Variants in LANCL3 observed in about 807,000 individuals in gnomAD.
LANCL3 encodes LanC like family member 3.
In LANCL3, 19 loss-of-function variants were observed where a neutral mutation model predicts 26.5. The observed-to-expected ratio is 0.72, with a 90% CI of 0.50 to 1.05. The LOEUF (loss-of-function observed/expected upper bound fraction) is 1.05. LANCL3 is among the 50% of genes least tolerant of loss of function. The pLI, the probability that LANCL3 is intolerant of heterozygous loss-of-function variation, is 0.00. For missense variants in LANCL3, 318 were observed against 362.7 expected (o/e 0.88, Z 1.00); for synonymous variants, 160 against 166.6 (o/e 0.96, Z 0.30).
intron 1 of LANCL3, among the ~76,000 whole-genome samples, chrX:37,622,308 G>A (rs2146745749): frequency 9.0e-6 from 1 of 110,567 alleles, no homozygotes; most frequent in Admixed American, 9.6e-5. Context: ...ATCAATAAGG[G>A]TTCCCTGTGT....
At chrX:37,671,615 G>A (rs1926686310) in intron 4 of LANCL3, among the ~76,000 whole-genome samples, 1 of 110,335 alleles carries the variant, frequency 9.1e-6, no homozygotes, top group Non-Finnish European at 1.9e-5. Context: ...CCATTAGGAT[G>A]CCAGGTACAC....
intron 1 of LANCL3, among the ~76,000 whole-genome samples, chrX:37,591,044 T>A (rs1556418868): frequency 8.9e-6 from 1 of 111,873 alleles, no homozygotes; most frequent in Non-Finnish European, 1.9e-5. Flanking sequence ...TTATCACCAC[T>A]GGAAAATAAA....
At chrX:37,592,729 A>T (rs58457491) in intron 1 of LANCL3, among the ~76,000 whole-genome samples, 2,081 of 112,274 alleles carry the variant, frequency 0.019, 67 homozygotes, top group African/African-American at 0.064. Context: ...AAGAGAAAAG[A>T]TTAATTAGAA....
At chrX:37,643,300 T>C (rs1212369639) in intron 1 of LANCL3, among the ~76,000 whole-genome samples, 2 of 112,377 alleles carry the variant, frequency 1.8e-5, no homozygotes, top group Non-Finnish European at 3.8e-5. Context: ...TTTTTTGCCT[T>C]TTCTCTAAGA....
At position 37,673,557 on chromosome X, in the gene LANCL3, GA is replaced by G. The variant is rs1479845929; in HGVS notation, c.1104-2088del. Among the ~76,000 whole-genome samples the G allele has an allele frequency of 1.1e-3, 117 of 109,544 alleles. 1 individual carries two copies. Among genetic ancestry groups the G allele is most frequent in the African/African-American group, 3.5e-3 (106 of 30,229 alleles). Reference sequence around the variant, plus strand: ...TTCTATTTTGACTGAGAACGTTTTAGAAAAAAAAATTTGTTTAATTTTGCAC... The same window carrying G: ...TTCTATTTTGACTGAGAACGTTTTAGAAAAAAAATTTGTTTAATTTTGCAC... On this transcript the variant is annotated intron_variant, in intron 4 of 4. Transcript: ENST00000378619.
intron 1 of LANCL3, among the ~76,000 whole-genome samples, chrX:37,595,574 A>G (rs1340952659): frequency 8.9e-6 from 1 of 112,298 alleles, no homozygotes; most frequent in East Asian, 2.8e-4. Flanking sequence ...CTAGCTTGTG[A>G]CAGATCCAAA....
At chrX:37,600,760 CT>C (rs1348915701) in intron 1 of LANCL3, among the ~76,000 whole-genome samples, 1 of 112,010 alleles carries the variant, frequency 8.9e-6, no homozygotes, top group African/African-American at 3.2e-5. Context: ...TTCTGCATTT[CT>C]TTTAAGCTCC....
At chrX:37,668,888 C>T (rs1926613046) in intron 4 of LANCL3, among the ~76,000 whole-genome samples, 1 of 112,178 alleles carries the variant, frequency 8.9e-6, no homozygotes, top group Admixed American at 9.4e-5. Context: ...AGTCACTTAG[C>T]TCATTTTAAC....
chrX:37,602,722 A>T, intron 1 of LANCL3, among the ~76,000 whole-genome samples: 1 of 111,570 alleles, frequency 9.0e-6, no homozygotes, highest in Non-Finnish European at 1.9e-5. Context: ...TAATTTAATC[A>T]CTAGGAGGTA....
At chrX:37,575,727 G>A (rs781904356) in intron 1 of LANCL3, among the ~76,000 whole-genome samples, 6 of 112,108 alleles carry the variant, frequency 5.4e-5, no homozygotes, top group Admixed American at 3.8e-4. Context: ...CTGATGTTGC[G>A]GTAGAGCATG....
chrX:37,595,909 G>C (rs1602100083), intron 1 of LANCL3, among the ~76,000 whole-genome samples: 1 of 111,796 alleles, frequency 8.9e-6, no homozygotes, highest in Non-Finnish European at 1.9e-5. Context: ...AAGAAGAATG[G>C]AGAGTAATAT....
chrX:37,625,993 T>G (rs1556422977), intron 1 of LANCL3, among the ~76,000 whole-genome samples: 1 of 111,951 alleles, frequency 8.9e-6, no homozygotes, highest in Non-Finnish European at 1.9e-5. Flanking sequence ...TAACATTCCT[T>G]TGATCAAAGC....
chrX:37,624,728 G>C (rs1227798724), intron 1 of LANCL3, among the ~76,000 whole-genome samples: 14 of 111,392 alleles, frequency 1.3e-4, no homozygotes, highest in African/African-American at 3.9e-4. Context: ...GATTTTCTTT[G>C]CTCTTCTTAT....
chrX:37,668,422 T>C (rs1332038055), intron 4 of LANCL3: 2 of 402,814 alleles, frequency 5.0e-6, no homozygotes, highest in Non-Finnish European at 9.0e-6. Flanking sequence ...CCAGACAACA[T>C]TGCTTTTAAT....
At chrX:37,586,969 G>A (rs1158992710) in intron 1 of LANCL3, among the ~76,000 whole-genome samples, 1 of 112,191 alleles carries the variant, frequency 8.9e-6, no homozygotes, top group Non-Finnish European at 1.9e-5. Flanking sequence ...TACAGATGGG[G>A]TTTTGGTGTG....
At position 37,571,884 on chromosome X, in the gene LANCL3, G is replaced by A. The variant is rs1556415483; in HGVS notation, c.14G>A (p.Arg5His). The change falls in exon 1 of 5, where the codon CGC (arginine) becomes CAC (histidine). Residue 5 changes from arginine to histidine, a missense_variant. Coordinates refer to ENST00000378619, the MANE Select transcript of LANCL3 (RefSeq NM_001170331.2). MDTK[R>H]CFANRFDDYQ... ...ACGGGCAACAGCATGGACACCAAGC[G>A]CTGCTTCGCCAATCGCTTCGATGAC... The A allele has an allele frequency of 2.5e-6, 3 of 1,204,397 alleles. No homozygotes were observed. The highest frequency in any genetic ancestry group is 2.2e-5 in the Admixed American group (1 of 45,688).
intron 4 of LANCL3, among the ~76,000 whole-genome samples, chrX:37,670,432 T>C (rs1035530708): frequency 1.9e-5 from 2 of 105,861 alleles, no homozygotes; most frequent in Admixed American, 2.0e-4. Flanking sequence ...ATTAGAAAAC[T>C]ATTAATTTAC....
chrX:37,660,424 G>A, intron 3 of LANCL3, among the ~76,000 whole-genome samples: 1 of 112,131 alleles, frequency 8.9e-6, no homozygotes, highest in East Asian at 2.8e-4. Context: ...GTCATCCCCA[G>A]TAAACTCTGT....
intron 1 of LANCL3, among the ~76,000 whole-genome samples, chrX:37,649,442 C>T (rs1479930972): frequency 2.2e-4 from 24 of 110,159 alleles, no homozygotes; most frequent in African/African-American, 6.6e-4. Flanking sequence ...CAACACACAC[C>T]AGGTCCTGTT....
Sources: gnomAD v4.1 joint callset for allele counts (sites outside exome capture counted in the v4.1 genomes callset) on GRCh38, gnomAD v4.1.1 for gene constraint, MANE v1.5 for transcripts, NCBI Gene and HGNC (gene_info 2026-07-23, HGNC 2026-07-21) for gene names.